SNX18: variants seen among roughly 807,000 people sequenced by gnomAD.
SNX18 encodes sorting nexin-18.
SNX18 carries 35 observed loss-of-function variants against 48.7 expected under a neutral mutation model. The observed-to-expected ratio is 0.72, with a 90% confidence interval of 0.55 to 0.95. SNX18 has a LOEUF of 0.95. SNX18 is among the 40% of genes least tolerant of loss of function. The pLI is 0.00. For synonymous variants in SNX18, 492 were observed against 384.7 expected (o/e 1.28, Z -3.26); for missense variants, 824 against 871.0 (o/e 0.95, Z 0.68).
chr5:54,607,135 C>A, the SNX18 span, among the ~76,000 whole-genome samples: 1 of 152,138 alleles, frequency 6.6e-6, no homozygotes, highest in Non-Finnish European at 1.5e-5. Flanking sequence ...ACTCCATTTT[C>A]TGATGTTTGC....
chr5:54,518,245 A>G lies in SNX18; in HGVS notation c.293A>G (p.Lys98Arg), dbSNP rs1486461331. 4 of 1,452,570 alleles carry G rather than the reference A, an allele frequency of 2.8e-6. No individual in the cohort carries two copies. The highest frequency in any genetic ancestry group is 1.4e-5 in the South Asian group (1 of 71,578). The allele number at this position is 1,452,570 out of a possible 1,614,324, so 90.0% of individuals were successfully genotyped here. ...PLPVAPPASF[K>R]PPPDAFQALL... Reference sequence around the variant, plus strand: ...CCTGTCGCGCCCCCCGCCTCCTTCAAGCCGCCGCCTGACGCCTTCCAGGCG... The same window carrying G: ...CCTGTCGCGCCCCCCGCCTCCTTCAGGCCGCCGCCTGACGCCTTCCAGGCG... Residue 98 changes from lysine to arginine, a missense_variant, in exon 1 of 2, where the codon AAG becomes AGG. Lys to Arg is a conservative substitution (Grantham distance 26, BLOSUM62 2). Around this residue, in one of 3 missense-constraint regions of SNX18, gnomAD observed 377 missense variants for 350.6 expected, o/e 1.08. Transcript: ENST00000381410.
At chr5:54,586,308 TA>T in the SNX18 span, among the ~76,000 whole-genome samples, 1 of 152,210 alleles carries the variant, frequency 6.6e-6, no homozygotes, top group Non-Finnish European at 1.5e-5. Flanking sequence ...AGTCCTTCAC[TA>T]GCAACTATTT....
intron 1 of SNX18, chr5:54,520,158 G>T: frequency 3.7e-6 from 1 of 273,350 alleles, no homozygotes; most frequent in Non-Finnish European, 7.4e-6. Flanking sequence ...TACTCATTTT[G>T]AGTTTGAAAT....
the SNX18 span, among the ~76,000 whole-genome samples, chr5:54,563,704 A>G: frequency 6.6e-6 from 1 of 152,174 alleles, no homozygotes; most frequent in Non-Finnish European, 1.5e-5. Context: ...TGACTCTGGC[A>G]GTCTGATCTG....
intron 1 of SNX18, among the ~76,000 whole-genome samples, chr5:54,535,043 C>A (rs1209094943): frequency 6.6e-6 from 1 of 151,960 alleles, no homozygotes; most frequent in African/African-American, 2.4e-5. Context: ...AAAATTTGAG[C>A]CTTTTAAGGT....
chr5:54,640,162 G>A, the SNX18 span, among the ~76,000 whole-genome samples: 18 of 151,942 alleles, frequency 1.2e-4, no homozygotes, highest in Admixed American at 1.1e-3. Context: ...TAAGCTACAA[G>A]GACCATGACA....
At chr5:54,612,319 C>A in the SNX18 span, among the ~76,000 whole-genome samples, 1 of 150,732 alleles carries the variant, frequency 6.6e-6, no homozygotes, top group East Asian at 2.0e-4. Flanking sequence ...AGTACAATGT[C>A]GTGGTCTTGG....
rs775829881 is a variant in SNX18 at position 54,519,834 on chromosome 5, T to C, written c.1621+261T>C. 4 of 1,594,874 alleles carry C rather than the reference T, an allele frequency of 2.5e-6. No homozygotes were observed. In the East Asian group the frequency reaches 9.0e-5, roughly 36 times the overall value. On this transcript the variant is annotated intron_variant, in intron 1 of 1. Coordinates refer to ENST00000381410, the MANE Select transcript of SNX18 (RefSeq NM_001102575.2). Reference sequence around the variant, plus strand: ...AGTACCTTTGATGACAGTGCTATCATTTTAGAGTTTGAATAGTTGAGTAAT... The same window carrying C: ...AGTACCTTTGATGACAGTGCTATCACTTTAGAGTTTGAATAGTTGAGTAAT...
At chr5:54,552,170 A>T in the SNX18 span, among the ~76,000 whole-genome samples, 3 of 152,198 alleles carry the variant, frequency 2.0e-5, no homozygotes, top group African/African-American at 7.2e-5. Context: ...ATTACCACGC[A>T]TCACACCCTT....
chr5:54,621,991 G>A, the SNX18 span, among the ~76,000 whole-genome samples: 2 of 152,164 alleles, frequency 1.3e-5, no homozygotes, highest in South Asian at 2.1e-4. Context: ...GTAATAATCC[G>A]GTCTGAATAG....
chr5:54,571,573 C>T, the SNX18 span, among the ~76,000 whole-genome samples: 1 of 151,874 alleles, frequency 6.6e-6, no homozygotes, highest in Non-Finnish European at 1.5e-5. Flanking sequence ...TGAGGACTGA[C>T]GGATTGGAAT....
At chr5:54,535,023 A>G (rs1403436039) in intron 1 of SNX18, among the ~76,000 whole-genome samples, 1 of 152,228 alleles carries the variant, frequency 6.6e-6, no homozygotes, top group East Asian at 1.9e-4. Flanking sequence ...TAATTTATAA[A>G]TGATTTTTAA....
chr5:54,578,887 A>G, the SNX18 span, among the ~76,000 whole-genome samples: 141 of 152,338 alleles, frequency 9.3e-4, no homozygotes, highest in Admixed American at 2.7e-3. Flanking sequence ...ATGTAGAACA[A>G]CAAGGAGCTG....
chr5:54,570,136 A>G, the SNX18 span, among the ~76,000 whole-genome samples: 3 of 152,190 alleles, frequency 2.0e-5, no homozygotes, highest in African/African-American at 7.2e-5. Context: ...TGGTGTCCTT[A>G]TAAGAAGAGG....
At chr5:54,549,678 T>G (rs1762623822), downstream of SNX18, among the ~76,000 whole-genome samples, 1 of 152,192 alleles carries the variant, frequency 6.6e-6, no homozygotes, top group Non-Finnish European at 1.5e-5. Flanking sequence ...TTCACCAAAT[T>G]AATAGTGGTT....
At chr5:54,539,264 G>GATC (rs71863744) in intron 1 of SNX18, among the ~76,000 whole-genome samples, 32,163 of 151,972 alleles carry the variant, frequency 0.21, 3,866 homozygotes, top group East Asian at 0.46. Flanking sequence ...TCAGCCTCCT[G>GATC]CTGGGTTACC....
chr5:54,587,585 C>T, the SNX18 span, among the ~76,000 whole-genome samples: 315 of 152,294 alleles, frequency 2.1e-3, 1 homozygote, highest in Middle Eastern at 3.4e-3. Flanking sequence ...CACCTGCACA[C>T]GGCATGCACT....
Position 54,518,210 on chromosome 5 carries a change from C to G in SNX18, c.258C>G (p.Phe86Leu), listed in dbSNP as rs1226722245. 4.3e-6 allele frequency: 6 copies of G among 1,399,684 alleles called. No individual in the cohort carries two copies. Among genetic ancestry groups the G allele is most frequent in the East Asian group, 3.0e-5 (1 of 33,162 alleles). The allele number at this position is 1,399,684 out of a possible 1,614,324, so 86.7% of individuals were successfully genotyped here. ...ARYANVPPGG[F>L]EPLPVAPPAS... ...ACGCCAATGTGCCCCCCGGGGGCTT[C>G]GAGCCCCTGCCTGTCGCGCCCCCCG... Residue 86 changes from phenylalanine (F) to leucine (L), a missense_variant, in exon 1 of 2, where the codon TTC (phenylalanine) becomes TTG (leucine). By Grantham distance (22) the Phe-to-Leu change is conservative. Around this residue, in one of 3 missense-constraint regions of SNX18, gnomAD observed 377 missense variants for 350.6 expected, o/e 1.08. Coordinates refer to ENST00000381410, the MANE Select transcript of SNX18 (RefSeq NM_001102575.2).
downstream of SNX18, among the ~76,000 whole-genome samples, chr5:54,551,343 C>T (rs894906541): frequency 6.6e-6 from 1 of 152,144 alleles, no homozygotes; most frequent in Non-Finnish European, 1.5e-5. Context: ...TATATGGTAC[C>T]GGGTATTCTT....
Sources: allele counts gnomAD v4.1 joint callset (sites outside exome capture counted in the v4.1 genomes callset), GRCh38; gene constraint gnomAD v4.1.1; regional missense constraint gnomAD v4.1.1; transcripts MANE v1.5; gene names NCBI Gene and HGNC (gene_info 2026-07-23, HGNC 2026-07-21).